The following TAF1D variants were observed in gnomAD, a reference collection of about 807,000 sequenced individuals.
The protein encoded by TAF1D is TATA-box binding protein associated factor, RNA polymerase I subunit D.
A neutral mutation model predicts 26.2 loss-of-function variants in TAF1D; 23 were observed. The observed-to-expected ratio is 0.88, with a 90% CI of 0.63 to 1.25. The LOEUF (loss-of-function observed/expected upper bound fraction) is 1.25, where lower values mean the gene tolerates loss of function less well. Among genes scored for constraint, TAF1D ranks in the 50% most tolerant of loss-of-function variants. The pLI is 0.00. For missense variants in TAF1D, 299 were observed against 322.0 expected (o/e 0.93, Z 0.55); for synonymous variants, 100 against 105.6 (o/e 0.95, Z 0.33).
In TAF1D at chr11:93,735,830, G is replaced by T; in HGVS notation, c.*331C>A. 1 of 1,073,050 alleles carries T rather than the reference G, an allele frequency of 9.3e-7. No homozygotes were observed. Among genetic ancestry groups the T allele is most frequent in the Non-Finnish European group, 1.1e-6 (1 of 885,628 alleles). 66.5% of individuals were successfully genotyped at this position (1,073,050 alleles called of 1,614,324 possible). ...ATGGTTGGGTGTCAAGTTACTTTAA[G>T]ATTTTCTTTTCAAAATTAAAATCAC... On this transcript the variant is annotated 3_prime_UTR_variant, in exon 6 of 6. Transcript: ENST00000448108.
rs575741459 is a variant in TAF1D at position 93,737,170 on chromosome 11, A to G, written c.529T>C (p.Leu177=). 35 of 1,612,624 alleles carry G rather than the reference A, an allele frequency of 2.2e-5. No homozygotes were observed. Among genetic ancestry groups the G allele is most frequent in the African/African-American group, 1.5e-4 (11 of 75,008 alleles). The change falls in exon 4 of 6, where the codon TTG becomes CTG. Residue 177 remains leucine, a synonymous_variant. Transcript: ENST00000448108. ...TCTTCACCAACATTCATTTGCTTCA[A>G]TGATTCTTTCAGGTGGTGTTCATAC... ...LKYEHHLKES[L]KQMNVGEDLE...
chr11:93,736,989 G>A (rs1217345986), intron 4 of TAF1D, 75 bp downstream of exon 4: 2 of 1,317,766 alleles, frequency 1.5e-6, no homozygotes, highest in Non-Finnish European at 2.0e-6. Flanking sequence ...TATATTAAAG[G>A]CAAAATATGA....
intron 4 of TAF1D, 21 bp downstream of exon 4, chr11:93,737,043 A>T (rs1416704975): frequency 8.4e-6 from 13 of 1,553,204 alleles, no homozygotes; most frequent in Non-Finnish European, 8.7e-6. Context: ...TTACCAAAGT[A>T]TTTCATATGA....
At chr11:93,733,363 C>T, downstream of TAF1D, 2 of 518,936 alleles carry the variant, frequency 3.9e-6, no homozygotes, top group South Asian at 2.8e-5. Context: ...AGCGATCACT[C>T]AAGAATGGTA....
At chr11:93,736,616 A>G in intron 5 of TAF1D, 78 bp downstream of exon 5, 1 of 1,553,154 alleles carries the variant, frequency 6.4e-7, no homozygotes, top group East Asian at 2.3e-5. Flanking sequence ...GTGTAAGAGA[A>G]AAACTAAATA....
At chr11:93,739,189 A>G (rs1204143436) in intron 2 of TAF1D, 48 bp downstream of exon 2, 1 of 1,425,320 alleles carries the variant, frequency 7.0e-7, no homozygotes, top group Non-Finnish European at 9.8e-7. Context: ...ATTATATACA[A>G]TAGTTTCTCA....
At chr11:93,733,661 G>A (rs146899157), downstream of TAF1D, 17 of 483,990 alleles carry the variant, frequency 3.5e-5, no homozygotes, top group East Asian at 5.6e-5. Flanking sequence ...TTTAAAAATC[G>A]TGTGATTCTT....
downstream of TAF1D, chr11:93,734,943 T>G (rs1591266573): frequency 2.1e-6 from 2 of 973,994 alleles, no homozygotes; most frequent in East Asian, 1.0e-4. Flanking sequence ...TTTAAATTTT[T>G]GTGGAGATGT....
chr11:93,738,291 T>C lies in TAF1D; in HGVS notation c.277A>G (p.Lys93Glu). 1 of 1,608,720 alleles carries C rather than the reference T, an allele frequency of 6.2e-7. No homozygotes were observed. Among genetic ancestry groups the C allele is most frequent in the Non-Finnish European group, 8.5e-7 (1 of 1,178,816 alleles). ...GGCTGGTACCTCCTCTTTTTCTTTT[T>C]TTTATATCTCTTTTTCCTGTTCTTG... ...RFKNRKKRYK[K>E]KKKRRYQPTG... Residue 93 changes from lysine (K) to glutamate (E), a missense_variant, in exon 3 of 6, where the codon AAA becomes GAA. By Grantham distance (56) the Lys-to-Glu change is moderately conservative (BLOSUM62 1). Transcript: ENST00000448108.
chr11:93,731,537 C>T (rs1938820826), downstream of TAF1D: 1 of 518,840 alleles, frequency 1.9e-6, no homozygotes, highest in Non-Finnish European at 3.8e-6. Flanking sequence ...TCAGCCCCTT[C>T]AGAGCAGTTG....
Position 93,738,284 on chromosome 11 carries a change from TTC to T in TAF1D, c.282_283del (p.Lys96GlufsTer26). 6 of 1,609,432 alleles carry T rather than the reference TTC, an allele frequency of 3.7e-6. No homozygotes were observed. The highest frequency in any genetic ancestry group is 5.1e-6 in the Non-Finnish European group (6 of 1,178,972). On this transcript the variant is annotated frameshift_variant, in exon 3 of 6. Transcript: ENST00000448108. LOFTEE classifies it high-confidence loss of function. The stretch of plus-strand genomic sequence containing the variant: ...TCCTGTTGGCTGGTACCTCCTCTTT[TTC>T]TTTTTTTTATATCTCTTTTTCCTGT...
chr11:93,741,479 C>G lies in TAF1D; in HGVS notation c.-185G>C. On this transcript the variant is annotated 5_prime_UTR_variant, in exon 1 of 6. Transcript: ENST00000448108. ...CCGATAACCAGCCGACCTCCTCCAA[C>G]CGTGCGGAAGAAAAGGGTTGGCTAT... 1 of 456,248 alleles carries G rather than the reference C, an allele frequency of 2.2e-6. No individual in the cohort carries two copies. The highest frequency in any genetic ancestry group is 4.4e-6 in the Non-Finnish European group (1 of 226,950). The allele number at this position is 456,248 out of a possible 1,614,324, so 28.3% of individuals were successfully genotyped here.
Position 93,736,691 on chromosome 11 carries a change from T to TA in TAF1D, c.693+2dup. ...TGGAATAGGAAAAAAATAAGTCACT[T>TA]ACTGCCAATTTGATATCACATTCGT... On this transcript the variant is annotated splice_region_variant and intron_variant, in intron 5 of 5. Coordinates refer to ENST00000448108, the MANE Select transcript of TAF1D (RefSeq NM_024116.4). 6.2e-7 allele frequency: 1 copy of TA among 1,611,406 alleles called. No individual in the cohort carries two copies. The highest frequency in any genetic ancestry group is 8.5e-7 in the Non-Finnish European group (1 of 1,179,258).
intron 4 of TAF1D, 33 bp from the exon 5 acceptor site, chr11:93,736,784 G>A (rs1283463757): frequency 1.3e-6 from 2 of 1,590,304 alleles, no homozygotes; most frequent in African/African-American, 1.4e-5. Flanking sequence ...CGAGATGACA[G>A]AATCTTCGAT....
exon 12 of TAF1D, chr11:93,730,410 A>T: frequency 2.5e-6 from 2 of 792,372 alleles, no homozygotes; most frequent in Non-Finnish European, 4.4e-6. Context: ...TAGATCCTCT[A>T]AAGAGCTGGA....
At chr11:93,731,911 G>A (rs576005055), downstream of TAF1D, 10 of 407,464 alleles carry the variant, frequency 2.5e-5, no homozygotes, top group South Asian at 1.6e-4. Context: ...AAAAAAAGTG[G>A]TCCTATAAGA....
chr11:93,734,613 A>AT (rs1454519380), downstream of TAF1D: 3 of 719,846 alleles, frequency 4.2e-6, no homozygotes, highest in Admixed American at 7.0e-5. Flanking sequence ...GAAAACTCAA[A>AT]TTGAGACATA....
Position 93,737,229 on chromosome 11 carries a change from G to A in TAF1D, c.470C>T (p.Ala157Val), listed in dbSNP as rs745308378. Reference sequence around the variant, plus strand: ...TTCAATATAGTTAAAAAATCCTCTTGCAACAGCTTGCTATATATTAAAAAC... The same window carrying A: ...TTCAATATAGTTAAAAAATCCTCTTACAACAGCTTGCTATATATTAAAAAC... ...RKILTFEQAV[A>V]RGFFNYIEKL... Residue 157 changes from alanine (A) to valine (V), a missense_variant, in exon 4 of 6, where the codon GCA becomes GTA. By Grantham distance (64) the Ala-to-Val change is moderately conservative. Coordinates refer to ENST00000448108, the MANE Select transcript of TAF1D (RefSeq NM_024116.4). 1.9e-6 allele frequency: 3 copies of A among 1,600,740 alleles called. No individual in the cohort carries two copies. Among genetic ancestry groups the A allele is most frequent in the Non-Finnish European group, 2.6e-6 (3 of 1,174,496 alleles).
intron 1 of TAF1D, among the ~76,000 whole-genome samples, chr11:93,740,015 A>G (rs1220342085): frequency 6.6e-6 from 1 of 151,930 alleles, no homozygotes; most frequent in African/African-American, 2.4e-5. Flanking sequence ...CTAAAAGAAA[A>G]AAGAAAAACA....
Sources: allele counts gnomAD v4.1 joint callset (sites outside exome capture counted in the v4.1 genomes callset), GRCh38; gene constraint gnomAD v4.1.1; transcripts MANE v1.5; gene names NCBI Gene and HGNC (gene_info 2026-07-23, HGNC 2026-07-21).